Variants in ZNF404 observed in about 807,000 individuals in gnomAD.
The protein encoded by ZNF404 is zinc finger protein 404.
Under a neutral mutation model 7.3 loss-of-function variants are expected in ZNF404, and 7 were observed. The ratio of observed to expected loss-of-function variants is 0.95; its 90% CI spans 0.54 to 1.79. ZNF404 has a LOEUF of 1.79. Ranked by LOEUF, ZNF404 falls within the 40% of genes most tolerant of loss-of-function variation. The probability of loss-of-function intolerance (pLI) is 0.00; values close to 1 mark genes in which losing one functional copy is unlikely to be tolerated. For missense variants in ZNF404, 560 were observed against 661.5 expected (o/e 0.85, Z 1.68); for synonymous variants, 191 against 209.9 (o/e 0.91, Z 0.78).
intron 1 of ZNF404, 115 bp from the exon 2 acceptor site, chr19:43,880,251 T>C (rs1971885803): frequency 6.9e-6 from 6 of 869,858 alleles, no homozygotes; most frequent in Non-Finnish European, 1.1e-5. Flanking sequence ...AGTTACAAGA[T>C]GATGACATGG....
chr19:43,878,288 G>T (rs1188713964), intron 2 of ZNF404, among the ~76,000 whole-genome samples: 4 of 150,472 alleles, frequency 2.7e-5, no homozygotes, highest in African/African-American at 7.3e-5. Flanking sequence ...ACTGGTGTGA[G>T]ATGGTATCTC....
Position 43,880,061 on chromosome 19 carries a change from C to T in ZNF404, c.85G>A (p.Asp29Asn), listed in dbSNP as rs1174179545. ...EWEYLNSDQR[D>N]LYRDVMLENY... ...TCCAACATCACATCTCTGTACAAATCCCTCTGATCCGAGTTTAAATATTCC... is the reference window on the plus strand; with the variant it reads ...TCCAACATCACATCTCTGTACAAATTCCTCTGATCCGAGTTTAAATATTCC... The change falls in exon 2 of 3, where the codon GAT (aspartate) becomes AAT (asparagine). Residue 29 changes from aspartate (D) to asparagine (N), a missense_variant. Physicochemically the swap from Asp to Asn is conservative, Grantham distance 23. Transcript: ENST00000587539. 1 of 1,613,740 alleles carries T rather than the reference C, an allele frequency of 6.2e-7. No individual in the cohort carries two copies. The highest frequency in any genetic ancestry group is 1.3e-5 in the African/African-American group (1 of 75,020).
At chr19:43,878,510 A>C (rs1373059175) in intron 2 of ZNF404, among the ~76,000 whole-genome samples, 2 of 151,810 alleles carry the variant, frequency 1.3e-5, no homozygotes, top group Non-Finnish European at 2.9e-5. Flanking sequence ...AGGTTGCGAA[A>C]ATTTTCTCCC....
chr19:43,879,921 G>A, intron 2 of ZNF404, 89 bp downstream of exon 2: 1 of 1,510,830 alleles, frequency 6.6e-7, no homozygotes, highest in Non-Finnish European at 9.1e-7. Context: ...AATGTAGCTG[G>A]TTTCTTGGCA....
chr19:43,874,191 G>A, intron 2 of ZNF404, 114 bp from the exon 3 acceptor site: 1 of 802,746 alleles, frequency 1.2e-6, no homozygotes, highest in East Asian at 2.9e-5. Flanking sequence ...AGTAATAAAA[G>A]AGTTTAGAAA....
intron 1 of ZNF404, among the ~76,000 whole-genome samples, chr19:43,882,203 C>T (rs531175932): frequency 3.3e-5 from 5 of 152,180 alleles, no homozygotes; most frequent in Admixed American, 6.5e-5. Flanking sequence ...TAGACCTACA[C>T]GTATCTAGAC....
At chr19:43,882,817 G>A (rs1301089337) in intron 1 of ZNF404, among the ~76,000 whole-genome samples, 4 of 150,066 alleles carry the variant, frequency 2.7e-5, no homozygotes, top group African/African-American at 9.8e-5. Flanking sequence ...AAATTAAAAA[G>A]AGGCTGGGCA....
At chr19:43,879,519 C>T (rs1282072713) in intron 2 of ZNF404, among the ~76,000 whole-genome samples, 1 of 152,138 alleles carries the variant, frequency 6.6e-6, no homozygotes, top group South Asian at 2.1e-4. Flanking sequence ...TGGAAGCCAA[C>T]AGGCCAACTG....
intron 2 of ZNF404, among the ~76,000 whole-genome samples, chr19:43,879,312 A>G (rs1007696012): frequency 2.2e-4 from 34 of 152,330 alleles, no homozygotes; most frequent in African/African-American, 7.9e-4. Context: ...TCAACAGGAA[A>G]CATTCAAACT....
At chr19:43,879,098 TA>T in intron 2 of ZNF404, among the ~76,000 whole-genome samples, 1 of 151,868 alleles carries the variant, frequency 6.6e-6, no homozygotes, top group Non-Finnish European at 1.5e-5. Flanking sequence ...ATAAAAGAAT[TA>T]AAAAATTAAC....
rs1195269252 is a variant in ZNF404, at chr19:43,874,044, G to A, written c.170C>T (p.Ser57Phe). The A allele has an allele frequency of 6.3e-7, 1 of 1,577,534 alleles. No individual in the cohort carries two copies. Among genetic ancestry groups the A allele is most frequent in the East Asian group, 2.2e-5 (1 of 44,612 alleles). Reference sequence around the variant, plus strand: ...TACTTCATAATTTCTTTTTTCTGAAGATAACTTGTTGCTTTCAGTTGTGAA... The same window carrying A: ...TACTTCATAATTTCTTTTTTCTGAAAATAACTTGTTGCTTTCAGTTGTGAA... ...FNFTTESNKL[S>F]SEKRNYEVNA... The change falls in exon 3 of 3, where the codon TCT becomes TTT. Residue 57 changes from serine (S) to phenylalanine (F), a missense_variant. By Grantham distance (155) the Ser-to-Phe change is radical (BLOSUM62 -2). Transcript: ENST00000587539.
Position 43,883,896 on chromosome 19 carries a change from A to C in ZNF404, c.9+60T>G, listed in dbSNP as rs1971917647. ...GAGGTTTCAGGATTAAAAAAATGAA[A>C]ATATTACATGAATTAAAAAATCACA... On this transcript the variant is annotated intron_variant, in intron 1 of 2. Transcript: ENST00000587539. 1.9e-6 allele frequency: 3 copies of C among 1,576,836 alleles called. No homozygotes were observed. The Admixed American group carries it at 5.1e-5, about 27-fold the overall frequency.
chr19:43,883,693 A>AC (rs1240062865), intron 1 of ZNF404, among the ~76,000 whole-genome samples: 1 of 152,130 alleles, frequency 6.6e-6, no homozygotes, highest in Non-Finnish European at 1.5e-5. Flanking sequence ...AAGGTACTTC[A>AC]CTCTTTCACT....
chr19:43,875,079 CA>C (rs1971842719), intron 2 of ZNF404, among the ~76,000 whole-genome samples: 1 of 152,130 alleles, frequency 6.6e-6, no homozygotes, highest in African/African-American at 2.4e-5. Flanking sequence ...ATTTACTTTA[CA>C]GGTGAGAAAA....
Position 43,874,080 on chromosome 19 carries a change from G to T in ZNF404, c.137-3C>A, listed in dbSNP as rs766262820. The T allele has an allele frequency of 2.0e-6, 3 of 1,534,224 alleles. No homozygotes were observed. The Admixed American group carries it at 6.8e-5, about 35-fold the overall frequency. On this transcript the variant is annotated splice_region_variant and splice_polypyrimidine_tract_variant and intron_variant, in intron 2 of 2. Transcript: ENST00000587539. Reference sequence around the variant, plus strand: ...GCTTTCAGTTGTGAAATTAAAGTCTGGAAGAAAATGAAAAAACAAACAAAT... The same window carrying T: ...GCTTTCAGTTGTGAAATTAAAGTCTTGAAGAAAATGAAAAAACAAACAAAT...
chr19:43,875,456 A>T (rs1373693658), intron 2 of ZNF404, among the ~76,000 whole-genome samples: 1 of 152,204 alleles, frequency 6.6e-6, no homozygotes, highest in Admixed American at 6.6e-5. Context: ...ACAGAAATGC[A>T]TCTCAGTAAT....
chr19:43,873,048 C>G lies in ZNF404; in HGVS notation c.1166G>C (p.Gly389Ala), dbSNP rs1568435770. The change falls in exon 3 of 3, where the codon GGG (glycine) becomes GCG (alanine). Residue 389 changes from glycine to alanine, a missense_variant. Physicochemically the swap from Gly to Ala is moderately conservative, Grantham distance 60 (BLOSUM62 0). Transcript: ENST00000587539. ...GEKPHECKEC[G>A]KTFKLHSYLI... ...ATATGAATGAAGCTTAAAAGTCTTC[C>G]CACATTCTTTACATTCATGTGGCTT... The G allele has an allele frequency of 6.2e-7, 1 of 1,609,846 alleles. No individual in the cohort carries two copies. Among genetic ancestry groups the G allele is most frequent in the Non-Finnish European group, 8.5e-7 (1 of 1,177,636 alleles).
Position 43,873,316 on chromosome 19 carries a change from T to C in ZNF404, c.898A>G (p.Lys300Glu). 6.2e-7 allele frequency: 1 copy of C among 1,613,486 alleles called. No individual in the cohort carries two copies. The highest frequency in any genetic ancestry group is 8.5e-7 in the Non-Finnish European group (1 of 1,179,638). Residue 300 changes from lysine (K) to glutamate (E), a missense_variant, in exon 3 of 3, where the codon AAA (lysine) becomes GAA (glutamate). Transcript: ENST00000587539. Reference sequence around the variant, plus strand: ...AAGGCCTTTTCACATTGTTCACATTTATATGGTTTCTCACCAGAATGAATT... The same window carrying C: ...AAGGCCTTTTCACATTGTTCACATTCATATGGTTTCTCACCAGAATGAATT... ...KKIHSGEKPYKCEQCEKAFVR... is the reference protein window; with the variant it reads ...KKIHSGEKPYECEQCEKAFVR...
At position 43,873,858 on chromosome 19, in the gene ZNF404, G is replaced by C. The variant is rs1468128625; in HGVS notation, c.356C>G (p.Pro119Arg). 6.2e-7 allele frequency: 1 copy of C among 1,612,212 alleles called. No homozygotes were observed. Among genetic ancestry groups the C allele is most frequent in the Non-Finnish European group, 8.5e-7 (1 of 1,179,428 alleles). The change falls in exon 3 of 3, where the codon CCT becomes CGT. Residue 119 changes from proline (P) to arginine (R), a missense_variant. Physicochemically the swap from Pro to Arg is moderately radical, Grantham distance 103 (BLOSUM62 -2). Coordinates refer to ENST00000587539, the MANE Select transcript of ZNF404 (RefSeq NM_001033719.3). ...QMIFKKHKSL[P>R]LHKRNNTREK... is the part of the protein sequence containing the mutation. ...TCTTGTGTTATTTCTCTTATGTAGA[G>C]GAAGGGATTTATGTTTTTTGAATAT...
Sources: allele counts gnomAD v4.1 joint callset (sites outside exome capture counted in the v4.1 genomes callset), GRCh38; gene constraint gnomAD v4.1.1; transcripts MANE v1.5; gene names NCBI Gene and HGNC (gene_info 2026-07-23, HGNC 2026-07-21).